KDM5A: variants seen among roughly 807,000 people sequenced by gnomAD.
KDM5A encodes the protein lysine-specific demethylase 5A.
In KDM5A, 42 loss-of-function variants were observed where a neutral mutation model predicts 193.5. The ratio of observed to expected loss-of-function variants is 0.22; its 90% CI spans 0.17 to 0.28. KDM5A has a LOEUF of 0.28. Ranked by LOEUF, KDM5A falls within the 10% of genes least tolerant of loss-of-function variation. KDM5A has a pLI of 1.00. For missense variants in KDM5A, 1,692 were observed against 2,055.1 expected (o/e 0.82, Z 3.42); for synonymous variants, 796 against 718.1 (o/e 1.11, Z -1.73).
chr12:334,483 G>A, intron 10 of KDM5A, 61 bp from the exon 11 acceptor site: 1 of 1,422,900 alleles, frequency 7.0e-7, no homozygotes, highest in Non-Finnish European at 9.9e-7. Flanking sequence ...CAATAGAAAT[G>A]CCAAGGGAGT....
chr12:340,147 G>C (rs141212347), intron 10 of KDM5A, among the ~76,000 whole-genome samples: 1 of 152,106 alleles, frequency 6.6e-6, no homozygotes, highest in Non-Finnish European at 1.5e-5. Context: ...CAAAGTGCTA[G>C]GATTATGGGT....
chr12:352,869 A>C (rs972652244), intron 8 of KDM5A, among the ~76,000 whole-genome samples: 1 of 152,204 alleles, frequency 6.6e-6, no homozygotes, highest in African/African-American at 2.4e-5. Context: ...TGATAATTCA[A>C]AGGCCATAAA....
At chr12:350,427 C>CA (rs10616968) in intron 10 of KDM5A, among the ~76,000 whole-genome samples, 194 bp downstream of exon 10, 1,878 of 100,864 alleles carry the variant, frequency 0.019, 20 homozygotes, top group Non-Finnish European at 0.025. Flanking sequence ...GATTCCTTCT[C>CA]AAAAAAAAAA....
intron 19 of KDM5A, 105 bp from the exon 20 acceptor site, chr12:313,299 T>TA (rs1469056635): frequency 7.5e-7 from 1 of 1,331,276 alleles, no homozygotes; most frequent in African/African-American, 1.5e-5. Flanking sequence ...ACTGAATTCT[T>TA]ACCACAATCC....
In KDM5A at chr12:287,431, C is replaced by T. The variant is rs150317434; in HGVS notation, c.4867-1769G>A. 1.5e-4 allele frequency among the ~76,000 whole-genome samples: 23 copies of T among 151,252 alleles called. No homozygotes were observed. In the East Asian group the frequency reaches 4.5e-3, roughly 29 times the overall value. On this transcript the variant is annotated intron_variant, in intron 27 of 27. Coordinates refer to ENST00000399788, the MANE Select transcript of KDM5A (RefSeq NM_001042603.3). ...TTTTGTTCTGTAATTGATTGTTTAGCTTCTGAAGTCTGTGCAATAAAAAAA... is the reference window on the plus strand; with the variant it reads ...TTTTGTTCTGTAATTGATTGTTTAGTTTCTGAAGTCTGTGCAATAAAAAAA...
intron 10 of KDM5A, among the ~76,000 whole-genome samples, chr12:336,227 C>T (rs1201062758): frequency 6.6e-6 from 1 of 151,178 alleles, no homozygotes; most frequent in Non-Finnish European, 1.5e-5. Context: ...GGCGTGGTGG[C>T]GTGCGCCTGT....
intron 24 of KDM5A, among the ~76,000 whole-genome samples, chr12:305,096 C>A (rs1943488719): frequency 6.6e-6 from 1 of 152,062 alleles, no homozygotes; most frequent in Non-Finnish European, 1.5e-5. Context: ...CCAATGAATT[C>A]TTCATAATGG....
intron 1 of KDM5A, chr12:388,580 T>C: frequency 5.1e-6 from 2 of 389,142 alleles, no homozygotes; most frequent in Admixed American, 3.7e-5. Flanking sequence ...GATAGCCGAC[T>C]ATCAAACCAT....
In KDM5A at chr12:282,422, C is replaced by T. The variant is rs1161276949; in HGVS notation, c.*3034G>A. On this transcript the variant is annotated 3_prime_UTR_variant, in exon 28 of 28. Coordinates refer to ENST00000399788, the MANE Select transcript of KDM5A (RefSeq NM_001042603.3). Reference sequence around the variant, plus strand: ...GAGGCACAAATTTGAATCATGCAGGCAAAGCTGGTGTGCAGCAGCTTAGTG... The same window carrying T: ...GAGGCACAAATTTGAATCATGCAGGTAAAGCTGGTGTGCAGCAGCTTAGTG... The T allele has an allele frequency of 4.3e-6, 1 of 233,136 alleles. No homozygotes were observed. Among genetic ancestry groups the T allele is most frequent in the Non-Finnish European group, 8.5e-6 (1 of 118,032 alleles). The allele number at this position is 233,136 out of a possible 1,614,324, so 14.4% of individuals were successfully genotyped here. A position where few individuals can be genotyped will look rare whatever the true frequency, so the allele number is the denominator to read the frequency against.
chr12:371,237 G>A (rs966757051), intron 3 of KDM5A, among the ~76,000 whole-genome samples: 1 of 152,228 alleles, frequency 6.6e-6, no homozygotes, highest in Non-Finnish European at 1.5e-5. Flanking sequence ...CACTAACAGT[G>A]TAAAATTGTT....
At chr12:364,648 G>C (rs1944331866) in intron 4 of KDM5A, among the ~76,000 whole-genome samples, 1 of 151,156 alleles carries the variant, frequency 6.6e-6, no homozygotes, top group South Asian at 2.1e-4. Flanking sequence ...CTGTGGGCGT[G>C]GTGGTGGGCA....
At chr12:303,552 A>G (rs1565527190) in intron 24 of KDM5A, among the ~76,000 whole-genome samples, 1 of 152,150 alleles carries the variant, frequency 6.6e-6, no homozygotes, top group Non-Finnish European at 1.5e-5. Context: ...TAGGAGAAAT[A>G]CCTAATGTGG....
At chr12:379,985 G>A (rs1424302954) in intron 3 of KDM5A, among the ~76,000 whole-genome samples, 1 of 152,088 alleles carries the variant, frequency 6.6e-6, no homozygotes, top group Non-Finnish European at 1.5e-5. Flanking sequence ...CCAGAAAAGT[G>A]CAGCCGGGCA....
At position 322,498 on chromosome 12, in the gene KDM5A, C is replaced by T. The variant is rs1943730562; in HGVS notation, c.2345G>A (p.Arg782Gln). ...TTCTTTTACAGCATCCCTGAGTTTT[C>T]GAAAGAGATCATTCTCTGGGTATTT... ...DRKYPENDLF[R>Q]KLRDAVKEAE... is the part of the protein sequence containing the mutation. Residue 782 changes from arginine (R) to glutamine (Q), a missense_variant, in exon 17 of 28, where the codon CGA becomes CAA. This residue lies in a region of KDM5A where 965 missense variants were observed against 1,061.0 expected (regional missense o/e 0.91). Coordinates refer to ENST00000399788, the MANE Select transcript of KDM5A (RefSeq NM_001042603.3). 2.5e-6 allele frequency: 4 copies of T among 1,613,504 alleles called. No homozygotes were observed. The highest frequency in any genetic ancestry group is 3.4e-6 in the Non-Finnish European group (4 of 1,179,688).
In KDM5A at chr12:384,114, C is replaced by T. The variant is rs778710457; in HGVS notation, c.283G>A (p.Ala95Thr). Residue 95 changes from alanine (A) to threonine (T), a missense_variant, in exon 3 of 28, where the codon GCA (alanine) becomes ACA (threonine). This residue lies in a region of KDM5A where 120 missense variants were observed against 172.0 expected (regional missense o/e 0.70). Coordinates refer to ENST00000399788, the MANE Select transcript of KDM5A (RefSeq NM_001042603.3). ...RVRLDFLDQL[A>T]KFWELQGSTL... Reference sequence around the variant, plus strand: ...GATCCTTGAAGTTCCCAAAATTTTGCTAGTTGATCCAAGAAATCCAATCTC... The same window carrying T: ...GATCCTTGAAGTTCCCAAAATTTTGTTAGTTGATCCAAGAAATCCAATCTC... 25 of 1,605,336 alleles carry T rather than the reference C, an allele frequency of 1.6e-5. No individual in the cohort carries two copies. The highest frequency in any genetic ancestry group is 2.1e-5 in the Non-Finnish European group (25 of 1,172,064).
intron 19 of KDM5A, among the ~76,000 whole-genome samples, chr12:315,099 G>C (rs1277564898): frequency 6.6e-6 from 1 of 152,178 alleles, no homozygotes; most frequent in African/African-American, 2.4e-5. Flanking sequence ...AGCTTGTCTT[G>C]TCTAGGCAAG....
intron 3 of KDM5A, among the ~76,000 whole-genome samples, chr12:374,502 A>C (rs994653378): frequency 6.6e-6 from 1 of 152,124 alleles, no homozygotes; most frequent in African/African-American, 2.4e-5. Context: ...AATAAAGCAC[A>C]CTGGTGGATC....
At chr12:377,598 G>A (rs955875189) in intron 3 of KDM5A, among the ~76,000 whole-genome samples, 7 of 152,096 alleles carry the variant, frequency 4.6e-5, no homozygotes, top group Non-Finnish European at 8.8e-5. Flanking sequence ...TTACAATCTA[G>A]ACTTTTAAAC....
At chr12:371,653 T>C (rs1944429443) in intron 3 of KDM5A, among the ~76,000 whole-genome samples, 1 of 152,216 alleles carries the variant, frequency 6.6e-6, no homozygotes, top group Non-Finnish European at 1.5e-5. Flanking sequence ...CCATTGCTTT[T>C]GGTGTTTTAG....
Sources: gnomAD v4.1 joint callset for allele counts (sites outside exome capture counted in the v4.1 genomes callset) on GRCh38, gnomAD v4.1.1 for gene constraint, gnomAD v4.1.1 regional missense constraint, MANE v1.5 for transcripts, NCBI Gene and HGNC (gene_info 2026-07-23, HGNC 2026-07-21) for gene names.